Variants in SGSM1 observed in about 807,000 individuals in gnomAD.
The protein encoded by SGSM1 is small G protein signaling modulator 1, also known as RUN and TBC1 domain containing 2.
A neutral mutation model predicts 133.8 loss-of-function variants in SGSM1; 73 were observed. The observed-to-expected ratio is 0.55, with a 90% CI of 0.45 to 0.66. SGSM1 has a LOEUF of 0.66. SGSM1 is among the 30% of genes least tolerant of loss of function. The probability of loss-of-function intolerance (pLI) is 0.00; values close to 1 mark genes in which losing one functional copy is unlikely to be tolerated. For missense variants in SGSM1, 1,213 were observed against 1,448.1 expected (o/e 0.84, Z 2.64); for synonymous variants, 563 against 573.0 (o/e 0.98, Z 0.25).
chr22:24,917,272 C>T (rs1158397672), intron 22 of SGSM1, among the ~76,000 whole-genome samples: 2 of 152,156 alleles, frequency 1.3e-5, no homozygotes, highest in Non-Finnish European at 2.9e-5. Context: ...GGAACTACCA[C>T]ACTGTTTTCC....
In SGSM1 at chr22:24,868,811, A is replaced by C; in HGVS notation, c.1247A>C (p.Asp416Ala). Residue 416 changes from aspartate to alanine, a missense_variant, in exon 12 of 25, where the codon GAT becomes GCT. Transcript: ENST00000400358. ...SSDKDDDEAT[D>A]YVFRIIYPGM... ...GACAAAGATGATGATGAGGCCACGG[A>C]TTATGTGTTCAGGATCATCTACCCT... The C allele has an allele frequency of 6.2e-7, 1 of 1,613,980 alleles. No individual in the cohort carries two copies. The highest frequency in any genetic ancestry group is 8.5e-7 in the Non-Finnish European group (1 of 1,179,894).
Position 24,884,199 on chromosome 22 carries a change from G to A in SGSM1, c.1641+1G>A. On this transcript the variant is annotated splice_donor_variant, in intron 15 of 24. Coordinates refer to ENST00000400358, the MANE Select transcript of SGSM1 (RefSeq NM_001098497.3). LOFTEE classifies it high-confidence loss of function. The stretch of plus-strand genomic sequence containing the variant: ...GGAGCAGTACCTTCACGACAGCACA[G>A]TAAGGCTTAGCTGGGCTTGGTCTGC... 3 of 1,612,476 alleles carry A rather than the reference G, an allele frequency of 1.9e-6. No individual in the cohort carries two copies. Among genetic ancestry groups the A allele is most frequent in the Non-Finnish European group, 2.5e-6 (3 of 1,178,838 alleles).
chr22:24,847,409 A>G (rs960377139), intron 3 of SGSM1, among the ~76,000 whole-genome samples: 11 of 152,294 alleles, frequency 7.2e-5, no homozygotes, highest in South Asian at 2.1e-4. Context: ...ATTATCCGAC[A>G]CCCAGCAGAT....
intron 2 of SGSM1, among the ~76,000 whole-genome samples, chr22:24,808,630 C>A (rs1384712860): frequency 6.6e-6 from 1 of 152,144 alleles, no homozygotes; most frequent in Non-Finnish European, 1.5e-5. Flanking sequence ...AAGAGAACAC[C>A]AGTAAGACAT....
At chr22:24,856,778 T>C (rs545967392) in intron 8 of SGSM1, among the ~76,000 whole-genome samples, 2 of 151,534 alleles carry the variant, frequency 1.3e-5, no homozygotes, top group South Asian at 4.2e-4. Flanking sequence ...CTTTTTTTTT[T>C]TTTTTTCTGA....
intron 12 of SGSM1, 84 bp from the exon 13 acceptor site, chr22:24,876,493 G>T (rs930196518): frequency 7.7e-6 from 12 of 1,564,872 alleles, no homozygotes; most frequent in Middle Eastern, 2.1e-4. Flanking sequence ...GGGCGGGTGA[G>T]CTGCTTGCTC....
At chr22:24,821,869 C>CAACATCCT (rs1271647624) in intron 2 of SGSM1, among the ~76,000 whole-genome samples, 1 of 152,136 alleles carries the variant, frequency 6.6e-6, no homozygotes, top group Non-Finnish European at 1.5e-5. Flanking sequence ...ACCCCACTGT[C>CAACATCCT]AACATCCTCG....
At chr22:24,859,625 T>G (rs1569151478) in intron 8 of SGSM1, 91 bp from the exon 9 acceptor site, 1 of 1,557,202 alleles carries the variant, frequency 6.4e-7, no homozygotes, top group Admixed American at 1.8e-5. Context: ...CTCTTAGTTC[T>G]GATTATGTGT....
intron 8 of SGSM1, among the ~76,000 whole-genome samples, chr22:24,859,251 G>A (rs927431135): frequency 6.6e-6 from 1 of 152,068 alleles, no homozygotes; most frequent in Non-Finnish European, 1.5e-5. Flanking sequence ...GCTACTGGGC[G>A]GGGAGTGTAG....
chr22:24,887,453 G>A (rs73393721), intron 16 of SGSM1, among the ~76,000 whole-genome samples: 2,093 of 152,244 alleles, frequency 0.014, 49 homozygotes, highest in African/African-American at 0.046. Context: ...TGATGGCTGA[G>A]TAGTATTCCA....
chr22:24,901,732 G>A (rs553577457), intron 19 of SGSM1, 101 bp from the exon 20 acceptor site: 93 of 1,317,250 alleles, frequency 7.1e-5, no homozygotes, highest in Non-Finnish European at 9.3e-5. Context: ...AGTGACAACA[G>A]GAGAGGGTTA....
intron 4 of SGSM1, among the ~76,000 whole-genome samples, chr22:24,848,493 C>T (rs944761045): frequency 2.0e-5 from 3 of 152,064 alleles, no homozygotes; most frequent in African/African-American, 7.2e-5. Flanking sequence ...ATCTTGGTGA[C>T]TGGTGGTATG....
At chr22:24,898,604 C>T (rs1399607974) in intron 19 of SGSM1, 45 bp downstream of exon 19, 2 of 1,530,706 alleles carry the variant, frequency 1.3e-6, no homozygotes, top group African/African-American at 2.8e-5. Flanking sequence ...TTTCCAGCTG[C>T]AGGAGGGTGG....
Position 24,868,401 on chromosome 22 carries a change from G to A in SGSM1, c.1020G>A (p.Leu340=). The change falls in exon 11 of 25, where the codon TTG becomes TTA. Residue 340 remains leucine (L), a synonymous_variant. Coordinates refer to ENST00000400358, the MANE Select transcript of SGSM1 (RefSeq NM_001098497.3). ...TTGACAGCGGCGGGACAGTGGTATT[G>A]GTCAGCCAGGACGGGATCCAGAGGC... The part of the protein sequence containing the change: ...QQVDSGGTVV[L]VSQDGIQRPP... The A allele has an allele frequency of 6.2e-7, 1 of 1,613,096 alleles. No homozygotes were observed. Among genetic ancestry groups the A allele is most frequent in the Non-Finnish European group, 8.5e-7 (1 of 1,179,346 alleles).
intron 2 of SGSM1, among the ~76,000 whole-genome samples, chr22:24,823,672 C>T (rs1235639665): frequency 2.0e-5 from 3 of 151,528 alleles, no homozygotes; most frequent in African/African-American, 4.9e-5. Context: ...GTGGCTCATG[C>T]CTGTAATCCC....
chr22:24,919,216 T>C (rs1016011009), intron 23 of SGSM1, among the ~76,000 whole-genome samples: 1 of 142,964 alleles, frequency 7.0e-6, no homozygotes, highest in African/African-American at 3.0e-5. Flanking sequence ...CCTGACTAAT[T>C]TTTTTTGTAT....
intron 18 of SGSM1, among the ~76,000 whole-genome samples, chr22:24,897,248 C>T (rs1256856555): frequency 6.6e-6 from 1 of 151,912 alleles, no homozygotes; most frequent in East Asian, 2.0e-4. Context: ...GGCATGGTGG[C>T]GAGTGCCTGT....
chr22:24,914,072 C>T (rs149684759), intron 22 of SGSM1, among the ~76,000 whole-genome samples: 6 of 151,822 alleles, frequency 4.0e-5, no homozygotes, highest in African/African-American at 1.4e-4. Context: ...GGGCGGATCA[C>T]GAGGTCAGGA....
chr22:24,846,752 A>G (rs1315937615), intron 3 of SGSM1, among the ~76,000 whole-genome samples: 1 of 152,224 alleles, frequency 6.6e-6, no homozygotes, highest in African/African-American at 2.4e-5. Flanking sequence ...TATGTAAGTT[A>G]AAATTAAGAT....
Sources: gnomAD v4.1 joint callset for allele counts (sites outside exome capture counted in the v4.1 genomes callset) on GRCh38, gnomAD v4.1.1 for gene constraint, MANE v1.5 for transcripts, NCBI Gene and HGNC (gene_info 2026-07-23, HGNC 2026-07-21) for gene names.